SCN1A: variants seen among roughly 807,000 people sequenced by gnomAD.
SCN1A encodes the protein sodium channel protein type 1 subunit alpha.
A neutral mutation model predicts 193.7 loss-of-function variants in SCN1A; 13 were observed. That is an observed-to-expected ratio of 0.07 (90% CI 0.04 to 0.11). The LOEUF is 0.11. SCN1A is among the 10% of genes least tolerant of loss of function. The probability of loss-of-function intolerance (pLI) is 1.00; values close to 1 mark genes in which losing one functional copy is unlikely to be tolerated. For missense variants in SCN1A, 1,432 were observed against 2,451.1 expected (o/e 0.58, Z 8.78); for synonymous variants, 781 against 843.6 (o/e 0.93, Z 1.29).
Position 165,986,899 on chromosome 2 carries a change from C to T in SCN1A, c.*4346G>A, listed in dbSNP as rs1688648117. 6.6e-6 allele frequency: 1 copy of T among 151,956 alleles called. No homozygotes were observed. The highest frequency in any genetic ancestry group is 2.4e-5 in the African/African-American group (1 of 41,390). 9.4% of individuals were successfully genotyped at this position (151,956 alleles called of 1,614,324 possible). On this transcript the variant is annotated 3_prime_UTR_variant, in exon 29 of 29. Coordinates refer to ENST00000674923, the MANE Select transcript of SCN1A (RefSeq NM_001165963.4). ...AGAGAATAAGAACATTTTCTATTTT[C>T]ATGGAACAGGCACACTAGTCTTAAC...
At chr2:166,080,914 A>G (rs1044488769) in intron 2 of SCN1A, among the ~76,000 whole-genome samples, 1 of 151,932 alleles carries the variant, frequency 6.6e-6, no homozygotes, top group African/African-American at 2.4e-5. Flanking sequence ...CCTTCTCGGG[A>G]GACTTTACAA....
Position 166,055,076 on chromosome 2 carries a change from T to C in SCN1A, c.474-310A>G, listed in dbSNP as rs1541783. Among the ~76,000 whole-genome samples, 39,585 of 151,800 alleles carry C rather than the reference T, an allele frequency of 0.26. 5,854 individuals carry two copies. The highest frequency in any genetic ancestry group is 0.34 in the Non-Finnish European group (23,059 of 67,856). Reference sequence around the variant, plus strand: ...CTGAGAAATATTTAGTATGTTTACATGATGGAATAGCCAATCAATAATATT... The same window carrying C: ...CTGAGAAATATTTAGTATGTTTACACGATGGAATAGCCAATCAATAATATT... On this transcript the variant is annotated intron_variant, in intron 6 of 28. Coordinates refer to ENST00000674923, the MANE Select transcript of SCN1A (RefSeq NM_001165963.4).
intron 19 of SCN1A, among the ~76,000 whole-genome samples, chr2:166,035,511 G>T (rs754963740): frequency 1.3e-5 from 2 of 152,088 alleles, no homozygotes; most frequent in Non-Finnish European, 2.9e-5. Flanking sequence ...TGCATGTATT[G>T]TAAATGTTCC....
At chr2:166,034,182 C>G (rs1477471810) in intron 19 of SCN1A, among the ~76,000 whole-genome samples, 3 of 152,094 alleles carry the variant, frequency 2.0e-5, no homozygotes, top group Non-Finnish European at 4.4e-5. Context: ...TATTACATCT[C>G]TGCACTATAT....
Position 166,013,841 on chromosome 2 carries a change from T to G in SCN1A, c.3608A>C (p.Gln1203Pro). Residue 1203 changes from glutamine (Q) to proline (P), a missense_variant, in exon 21 of 29, where the codon CAA becomes CCA. Coordinates refer to ENST00000674923, the MANE Select transcript of SCN1A (RefSeq NM_001165963.4). ...QINVEEGRGK[Q>P]WWNLRRTCFR... is the part of the protein sequence containing the mutation. ...ACACGTCCTTCTCAGGTTCCACCAT[T>G]GTTTTCCTCTGCCTTCTTCCACATT... 1.2e-6 allele frequency: 2 copies of G among 1,612,454 alleles called. No individual in the cohort carries two copies. Among genetic ancestry groups the G allele is most frequent in the South Asian group, 2.2e-5 (2 of 91,056 alleles).
upstream of SCN1A, among the ~76,000 whole-genome samples, chr2:166,128,945 C>G (rs1457455559): frequency 6.6e-6 from 1 of 152,100 alleles, no homozygotes; most frequent in African/African-American, 2.4e-5. Context: ...CTTAAACATT[C>G]AGTCATACAT....
At chr2:166,118,520 G>A (rs1182806507) in intron 2 of SCN1A, among the ~76,000 whole-genome samples, 3 of 151,790 alleles carry the variant, frequency 2.0e-5, no homozygotes, top group African/African-American at 7.2e-5. Flanking sequence ...CCTGAAACCT[G>A]AAATGCTGAG....
At chr2:166,095,701 G>C (rs997463023) in intron 2 of SCN1A, among the ~76,000 whole-genome samples, 1 of 152,120 alleles carries the variant, frequency 6.6e-6, no homozygotes. Flanking sequence ...AACCAAACTT[G>C]ACACTAGAGT....
chr2:166,126,507 A>G (rs1040638819), intron 2 of SCN1A: 3 of 152,238 alleles, frequency 2.0e-5, no homozygotes, highest in African/African-American at 7.2e-5. Context: ...TCTGGGCAGG[A>G]GAAACTAAAG....
Position 166,077,714 on chromosome 2 carries a change from G to T in SCN1A, c.-54C>A, listed in dbSNP as rs1685119917. ...TATGATCCAGCAATTGCATACCTTA[G>T]GATTTAACCAAAGGAGTTGAAAACT... On this transcript the variant is annotated 5_prime_UTR_variant, in exon 3 of 29. Transcript: ENST00000674923. The T allele has an allele frequency of 6.6e-6, 1 of 152,244 alleles. No homozygotes were observed. Among genetic ancestry groups the T allele is most frequent in the African/African-American group, 2.4e-5 (1 of 41,384 alleles). 9.4% of individuals were successfully genotyped at this position (152,244 alleles called of 1,614,324 possible).
intron 2 of SCN1A, among the ~76,000 whole-genome samples, chr2:166,117,956 CTG>C (rs984795328): frequency 3.5e-5 from 4 of 113,408 alleles, no homozygotes; most frequent in African/African-American, 6.4e-5. Flanking sequence ...GAGTGAGACT[CTG>C]TCTCAAAAAA....
intron 2 of SCN1A, among the ~76,000 whole-genome samples, chr2:166,088,178 C>T (rs1686357391): frequency 6.6e-6 from 1 of 152,062 alleles, no homozygotes; most frequent in South Asian, 2.1e-4. Context: ...TATTCACAAT[C>T]CCATAAAGTT....
chr2:165,991,093 T>A lies in SCN1A; in HGVS notation c.*152A>T. ...AGAGTCACAGTTTGCTGACAAGGGG[T>A]CACTGTCTTATTGTAGGCACTGACC... On this transcript the variant is annotated 3_prime_UTR_variant, in exon 29 of 29. Transcript: ENST00000674923. 1.5e-6 allele frequency: 1 copy of A among 664,652 alleles called. No individual in the cohort carries two copies. Among genetic ancestry groups the A allele is most frequent in the Non-Finnish European group, 2.5e-6 (1 of 394,302 alleles). 41.2% of individuals were successfully genotyped at this position (664,652 alleles called of 1,614,324 possible). A position where few individuals can be genotyped will look rare whatever the true frequency, so the allele number is the denominator to read the frequency against.
chr2:166,009,665 A>G (rs1229563496), intron 23 of SCN1A, 54 bp downstream of exon 23: 3 of 1,524,720 alleles, frequency 2.0e-6, no homozygotes, highest in Non-Finnish European at 1.8e-6. Context: ...TCTAAATTTA[A>G]TTTAGTTTAA....
intron 3 of SCN1A, among the ~76,000 whole-genome samples, chr2:166,076,619 A>T (rs1362648714): frequency 6.6e-6 from 1 of 152,016 alleles, no homozygotes; most frequent in Non-Finnish European, 1.5e-5. Context: ...GAGGACTGAC[A>T]CTAACCCAAC....
rs1697898962 is a variant in SCN1A at position 166,046,879 on chromosome 2, G to A, written c.1268C>T (p.Ala423Val). ...YLINLILAVVAMAYEEQNQAT... is the reference protein window; with the variant it reads ...YLINLILAVVVMAYEEQNQAT... Reference sequence around the variant, plus strand: ...CTGATTCTGTTCCTCGTAGGCCATGGCCACCACAGCCAGGATCAAATTTAT... The same window carrying A: ...CTGATTCTGTTCCTCGTAGGCCATGACCACCACAGCCAGGATCAAATTTAT... Residue 423 changes from alanine to valine, a missense_variant, in exon 12 of 29, where the codon GCC becomes GTC. By Grantham distance (64) the Ala-to-Val change is moderately conservative. This residue lies in a region of SCN1A where 58 missense variants were observed against 103.4 expected (regional missense o/e 0.56). Coordinates refer to ENST00000674923, the MANE Select transcript of SCN1A (RefSeq NM_001165963.4). 6.2e-7 allele frequency: 1 copy of A among 1,613,796 alleles called. No individual in the cohort carries two copies. The highest frequency in any genetic ancestry group is 8.5e-7 in the Non-Finnish European group (1 of 1,179,908).
intron 2 of SCN1A, among the ~76,000 whole-genome samples, chr2:166,120,534 A>G (rs998511567): frequency 2.1e-5 from 3 of 142,512 alleles, no homozygotes; most frequent in African/African-American, 7.8e-5. Flanking sequence ...ACTATGATTT[A>G]TTTAGCCATT....
intron 19 of SCN1A, among the ~76,000 whole-genome samples, chr2:166,025,265 G>A (rs758962551): frequency 3.9e-5 from 6 of 152,074 alleles, no homozygotes; most frequent in Admixed American, 6.5e-5. Context: ...GTTTACTGTC[G>A]TTGGCAGAGT....
At chr2:166,013,584 C>T (rs140429359) in intron 21 of SCN1A, among the ~76,000 whole-genome samples, 160 bp downstream of exon 21, 2 of 151,068 alleles carry the variant, frequency 1.3e-5, no homozygotes, top group African/African-American at 4.9e-5. Context: ...AAAAGTTAAT[C>T]CAGAAATATA....
Sources: gnomAD v4.1 joint callset for allele counts (sites outside exome capture counted in the v4.1 genomes callset) on GRCh38, gnomAD v4.1.1 for gene constraint, gnomAD v4.1.1 regional missense constraint, MANE v1.5 for transcripts, NCBI Gene and HGNC (gene_info 2026-07-23, HGNC 2026-07-21) for gene names.